COL14A1: variants seen among roughly 807,000 people sequenced by gnomAD.
COL14A1 encodes the protein collagen alpha-1(XIV) chain.
A neutral mutation model predicts 230.3 loss-of-function variants in COL14A1; 136 were observed. The observed-to-expected ratio is 0.59, with a 90% CI of 0.51 to 0.68. The LOEUF (loss-of-function observed/expected upper bound fraction) is 0.68, where lower values mean the gene tolerates loss of function less well. Ranked by LOEUF, COL14A1 falls within the 30% of genes least tolerant of loss-of-function variation. The pLI, the probability that COL14A1 is intolerant of heterozygous loss-of-function variation, is 0.00. For missense variants in COL14A1, 1,976 were observed against 2,215.8 expected (o/e 0.89, Z 2.17); for synonymous variants, 792 against 784.1 (o/e 1.01, Z -0.17).
intron 3 of COL14A1, among the ~76,000 whole-genome samples, chr8:120,159,416 A>G (rs1363256026): frequency 6.6e-6 from 1 of 152,174 alleles, no homozygotes; most frequent in East Asian, 1.9e-4. Context: ...ACAGTACATA[A>G]TAAGTACTTA....
Position 120,332,712 on chromosome 8 carries a change from C to A in COL14A1, c.4762C>A (p.Pro1588Thr), listed in dbSNP as rs547704009. Reference sequence around the variant, plus strand: ...CCCAGGGATCACAGGAAGCATGGGACCGCAAGGCGCCCTGGGACCACCTGT... The same window carrying A: ...CCCAGGGATCACAGGAAGCATGGGAACGCAAGGCGCCCTGGGACCACCTGT... Reference protein sequence around the residue: ...GVPGITGSMGPQGALGPPGVP... With the variant: ...GVPGITGSMGTQGALGPPGVP... The change falls in exon 42 of 48, where the codon CCG (proline) becomes ACG (threonine). Residue 1588 changes from proline to threonine, a missense_variant. Coordinates refer to ENST00000297848, the MANE Select transcript of COL14A1 (RefSeq NM_021110.4). 15 of 1,613,298 alleles carry A rather than the reference C, an allele frequency of 9.3e-6. No homozygotes were observed. Among genetic ancestry groups the A allele is most frequent in the Non-Finnish European group, 1.3e-5 (15 of 1,179,562 alleles).
chr8:120,315,584 CA>C lies in COL14A1; in HGVS notation c.4604del (p.Gln1535ArgfsTer37). ...AGGAGATACTGGCCTTCCAGGTCCA[CA>C]GGTATTATTTTTGTTTTTTAAGTCT... is the stretch of plus-strand genomic sequence containing the variant. ...EKGDTGLPGP[Q>X]GIPGGVGSPG... On this transcript the variant is annotated frameshift_variant and splice_region_variant, in exon 39 of 48. Coordinates refer to ENST00000297848, the MANE Select transcript of COL14A1 (RefSeq NM_021110.4). LOFTEE classifies it high-confidence loss of function. 1 of 1,612,850 alleles carries C rather than the reference CA, an allele frequency of 6.2e-7. No homozygotes were observed. Among genetic ancestry groups the C allele is most frequent in the Non-Finnish European group, 8.5e-7 (1 of 1,179,216 alleles).
chr8:120,257,691 A>T (rs1224945181), intron 23 of COL14A1, among the ~76,000 whole-genome samples: 2 of 152,184 alleles, frequency 1.3e-5, no homozygotes, highest in Non-Finnish European at 2.9e-5. Context: ...TTGGCTACAT[A>T]TGCGGTCTCT....
chr8:120,315,509 C>A (rs1367426494), intron 38 of COL14A1, 24 bp from the exon 39 acceptor site: 2 of 1,599,130 alleles, frequency 1.3e-6, no homozygotes, highest in Admixed American at 1.7e-5. Context: ...GTGAACTTAA[C>A]TCTGTATACT....
chr8:120,254,008 G>A (rs926476478), intron 22 of COL14A1, among the ~76,000 whole-genome samples: 5 of 152,068 alleles, frequency 3.3e-5, no homozygotes, highest in African/African-American at 9.7e-5. Flanking sequence ...TGTTTAATTG[G>A]CTTTAGGAAA....
intron 9 of COL14A1, among the ~76,000 whole-genome samples, chr8:120,205,355 CCTT>C (rs1182021332): frequency 4.6e-5 from 7 of 152,114 alleles, no homozygotes; most frequent in Non-Finnish European, 8.8e-5. Context: ...CACTCATTGA[CCTT>C]CTTCTCTCTA....
chr8:120,167,082 C>T (rs1035945986), intron 4 of COL14A1, among the ~76,000 whole-genome samples: 3 of 151,472 alleles, frequency 2.0e-5, no homozygotes, highest in Admixed American at 6.6e-5. Flanking sequence ...TGTTTTATAT[C>T]CTGGAATTTA....
At position 120,372,896 on chromosome 8, in the gene COL14A1, G is replaced by A. The variant is rs1457981705; in HGVS notation, c.*1665G>A. The stretch of plus-strand genomic sequence containing the variant: ...TGCAGGGAATGAAAGAAGATAATGA[G>A]CAGATAATCAGCAGCCATTTCCTTT... On this transcript the variant is annotated 3_prime_UTR_variant, in exon 48 of 48. Transcript: ENST00000297848. 6.6e-6 allele frequency among the ~76,000 whole-genome samples: 1 copy of A among 152,068 alleles called. No homozygotes were observed. Among genetic ancestry groups the A allele is most frequent in the Non-Finnish European group, 1.5e-5 (1 of 68,018 alleles).
At chr8:120,239,431 T>C (rs1818549732) in intron 19 of COL14A1, among the ~76,000 whole-genome samples, 2 of 152,190 alleles carry the variant, frequency 1.3e-5, no homozygotes, top group Admixed American at 6.5e-5. Context: ...TGTGCTTACA[T>C]AAACAACTAT....
At chr8:120,348,772 AC>A (rs1185571228) in intron 45 of COL14A1, among the ~76,000 whole-genome samples, 2 of 152,164 alleles carry the variant, frequency 1.3e-5, no homozygotes, top group Non-Finnish European at 2.9e-5. Context: ...AGTTTTTCAA[AC>A]TTTTAAAAAT....
chr8:120,199,576 CT>C lies in COL14A1; in HGVS notation c.877+13del, dbSNP rs1817160440. The C allele has an allele frequency of 1.2e-6, 2 of 1,605,028 alleles. No individual in the cohort carries two copies. The highest frequency in any genetic ancestry group is 1.7e-6 in the Non-Finnish European group (2 of 1,176,808). The stretch of plus-strand genomic sequence containing the variant: ...GAACTGTTTGCCATAGGTATGTGCT[CT>C]TTATAGTCTTGTTTCAACTAAGGGC... On this transcript the variant is annotated intron_variant, in intron 8 of 47. Transcript: ENST00000297848.
chr8:120,306,853 A>T (rs1388052191), intron 36 of COL14A1, among the ~76,000 whole-genome samples: 1 of 152,216 alleles, frequency 6.6e-6, no homozygotes, highest in Non-Finnish European at 1.5e-5. Context: ...TTGAATATAT[A>T]TTTGAATAAA....
At chr8:120,271,994 G>T (rs1367753114) in intron 26 of COL14A1, among the ~76,000 whole-genome samples, 2 of 151,508 alleles carry the variant, frequency 1.3e-5, no homozygotes, top group African/African-American at 4.8e-5. Flanking sequence ...GGACTAGGGT[G>T]GTAGCAATGA....
chr8:120,206,899 T>C (rs1321950801), intron 9 of COL14A1, 44 bp from the exon 10 acceptor site: 1 of 1,539,962 alleles, frequency 6.5e-7, no homozygotes. Context: ...TCATAAGAAA[T>C]AACTTTGGGT....
intron 45 of COL14A1, among the ~76,000 whole-genome samples, chr8:120,357,157 T>C (rs1823016163): frequency 6.6e-6 from 1 of 152,032 alleles, no homozygotes. Context: ...GGGATTTGAG[T>C]TTTACGTGGG....
chr8:120,354,132 A>C (rs1197245909), intron 45 of COL14A1, among the ~76,000 whole-genome samples: 3 of 105,878 alleles, frequency 2.8e-5, no homozygotes, highest in South Asian at 3.7e-4. Context: ...TCAGTAAACT[A>C]TCACAAGAAC....
At chr8:120,294,525 A>G in intron 34 of COL14A1, among the ~76,000 whole-genome samples, 1 of 150,250 alleles carries the variant, frequency 6.7e-6, no homozygotes, top group East Asian at 1.9e-4. Context: ...TGCTTCTTGG[A>G]TTAGTTCTCT....
chr8:120,158,258 T>C lies in COL14A1; in HGVS notation c.205+12T>C, dbSNP rs776188502. 6.8e-7 allele frequency: 1 copy of C among 1,465,872 alleles called. No individual in the cohort carries two copies. Among genetic ancestry groups the C allele is most frequent in the South Asian group, 1.1e-5 (1 of 87,086 alleles). 90.8% of individuals were successfully genotyped at this position (1,465,872 alleles called of 1,614,324 possible). Reference sequence around the variant, plus strand: ...GACTCCAACTTCAGGTAAAAACAATTGACTTTGTTTTGTAGAGCATTAGCA... The same window carrying C: ...GACTCCAACTTCAGGTAAAAACAATCGACTTTGTTTTGTAGAGCATTAGCA... On this transcript the variant is annotated intron_variant, in intron 3 of 47. Coordinates refer to ENST00000297848, the MANE Select transcript of COL14A1 (RefSeq NM_021110.4).
At chr8:120,330,267 G>A (rs190435393) in intron 40 of COL14A1, among the ~76,000 whole-genome samples, 42 of 152,294 alleles carry the variant, frequency 2.8e-4, no homozygotes, top group Non-Finnish European at 3.8e-4. Flanking sequence ...GAGGTTGAGA[G>A]TGTGGCAAAG....
Sources: gnomAD v4.1 joint callset for allele counts (sites outside exome capture counted in the v4.1 genomes callset) on GRCh38, gnomAD v4.1.1 for gene constraint, MANE v1.5 for transcripts, NCBI Gene and HGNC (gene_info 2026-07-23, HGNC 2026-07-21) for gene names.